PLEKHG4B: variants seen among roughly 807,000 people sequenced by gnomAD.
PLEKHG4B encodes pleckstrin homology and RhoGEF domain containing G4B.
In PLEKHG4B, 111 loss-of-function variants were observed where a neutral mutation model predicts 121.3. The observed-to-expected ratio is 0.92, with a 90% CI of 0.78 to 1.07. The LOEUF (loss-of-function observed/expected upper bound fraction) is 1.07, where lower values mean the gene tolerates loss of function less well. PLEKHG4B is among the 50% of genes least tolerant of loss of function. PLEKHG4B has a pLI of 0.00. For missense variants in PLEKHG4B, 1,831 were observed against 1,757.8 expected (o/e 1.04, Z -0.74); for synonymous variants, 738 against 725.0 (o/e 1.02, Z -0.29).
At chr5:133,913 G>GACACACACACACACAC (rs745898348) in intron 2 of PLEKHG4B, among the ~76,000 whole-genome samples, 11 of 135,630 alleles carry the variant, frequency 8.1e-5, no homozygotes, top group African/African-American at 3.3e-4. Flanking sequence ...AAGAAAATGT[G>GACACACACACACACAC]ACACACACGC....
chr5:145,927 A>C (rs1239009302), intron 6 of PLEKHG4B, among the ~76,000 whole-genome samples: 1 of 152,026 alleles, frequency 6.6e-6, no homozygotes, highest in Non-Finnish European at 1.5e-5. Context: ...CTCACTGAGG[A>C]ATCTCAAGTT....
At chr5:116,139 C>T (rs1200228315) in intron 2 of PLEKHG4B, among the ~76,000 whole-genome samples, 2 of 152,120 alleles carry the variant, frequency 1.3e-5, no homozygotes, top group East Asian at 3.8e-4. Flanking sequence ...GATGCCATTG[C>T]AGGGTTGTTA....
chr5:105,842 T>C (rs1240253686), intron 1 of PLEKHG4B, among the ~76,000 whole-genome samples: 4 of 152,176 alleles, frequency 2.6e-5, no homozygotes, highest in African/African-American at 9.7e-5. Flanking sequence ...ACTGCTCTCC[T>C]GCAGAACTGT....
In PLEKHG4B at chr5:156,345, C is replaced by T. The variant is rs918774571; in HGVS notation, c.2348+135C>T. On this transcript the variant is annotated intron_variant, in intron 10 of 19. Transcript: ENST00000637938. The surrounding 1 kb of genome is among the most constrained non-coding windows in gnomAD (Gnocchi z 4.4). ...TTGGTCCAGACCTCCATTCTGACAG[C>T]CACGCTTTGCCTGGGTCAGAGCTTT... is the stretch of plus-strand genomic sequence containing the variant. 7 of 998,028 alleles carry T rather than the reference C, an allele frequency of 7.0e-6. No individual in the cohort carries two copies. In the African/African-American group the frequency reaches 8.4e-5, roughly 12 times the overall value. The allele number at this position is 998,028 out of a possible 1,614,324, so 61.8% of individuals were successfully genotyped here. A position where few individuals can be genotyped will look rare whatever the true frequency, so the allele number is the denominator to read the frequency against.
At position 154,242 on chromosome 5, in the gene PLEKHG4B, T is replaced by C. The variant is rs188655922; in HGVS notation, c.1993-633T>C. On this transcript the variant is annotated intron_variant, in intron 7 of 19. Coordinates refer to ENST00000637938, the MANE Select transcript of PLEKHG4B (RefSeq NM_052909.5). ...GATATCCTCGATCTCCTGACCTCAT[T>C]ATCCGCCTGCCTCGGCCTCCCAAAG... 2.4e-4 allele frequency among the ~76,000 whole-genome samples: 36 copies of C among 147,888 alleles called. 1 individual carries two copies. In the East Asian group the frequency reaches 6.7e-3, roughly 28 times the overall value.
Position 169,712 on chromosome 5 carries a change from AGCT to A in PLEKHG4B, c.3729+122_3729+124del, listed in dbSNP as rs1271722734. On this transcript the variant is annotated intron_variant, in intron 14 of 19. Coordinates refer to ENST00000637938, the MANE Select transcript of PLEKHG4B (RefSeq NM_052909.5). ...GGAATAGCTTCAGTCCAGGTCTAGG[AGCT>A]GGTCCTGACAGGATGTTAAGACCAG... 3 of 1,441,502 alleles carry A rather than the reference AGCT, an allele frequency of 2.1e-6. No individual in the cohort carries two copies. The African/African-American group carries it at 4.2e-5, about 20-fold the overall frequency. The allele number at this position is 1,441,502 out of a possible 1,614,324, so 89.3% of individuals were successfully genotyped here.
At position 139,211 on chromosome 5, in the gene PLEKHG4B, C is replaced by T. The variant is rs1217941959; in HGVS notation, c.244-272C>T. Among the ~76,000 whole-genome samples, 1 of 152,198 alleles carries T rather than the reference C, an allele frequency of 6.6e-6. No homozygotes were observed. The highest frequency in any genetic ancestry group is 2.4e-5 in the African/African-American group (1 of 41,428). On this transcript the variant is annotated intron_variant, in intron 2 of 19. Transcript: ENST00000637938. This position sits in a 1 kb window ranked among gnomAD's most constrained non-coding sequence, Gnocchi z 5.0. ...TGTGGCTGTGGCCCTCGAGTGGCCT[C>T]CTCTCCCCTGTCCTGCCCACCTACC...
intron 1 of PLEKHG4B, among the ~76,000 whole-genome samples, chr5:104,686 C>T (rs932668301): frequency 4.6e-5 from 7 of 152,194 alleles, no homozygotes; most frequent in African/African-American, 7.2e-5. Context: ...GGCCCCATGG[C>T]GGCCTTGCCT....
chr5:119,080 A>G (rs1301663781), intron 2 of PLEKHG4B, among the ~76,000 whole-genome samples: 2 of 151,790 alleles, frequency 1.3e-5, no homozygotes, highest in African/African-American at 4.8e-5. Flanking sequence ...GGCTGGTCTC[A>G]AACTCCTGGG....
intron 2 of PLEKHG4B, among the ~76,000 whole-genome samples, chr5:115,945 G>A (rs779032199): frequency 1.4e-4 from 22 of 152,194 alleles, no homozygotes; most frequent in Non-Finnish European, 2.6e-4. Flanking sequence ...TCCTTAGAGT[G>A]GACTTTTAAT....
In PLEKHG4B at chr5:156,157, G is replaced by C. The variant is rs771078901; in HGVS notation, c.2295G>C (p.Gly765=). 6 of 1,593,128 alleles carry C rather than the reference G, an allele frequency of 3.8e-6. No homozygotes were observed. The African/African-American group carries it at 6.9e-5, about 18-fold the overall frequency. Residue 765 remains glycine (G), a synonymous_variant, in exon 10 of 20, where the codon GGG becomes GGC. Coordinates refer to ENST00000637938, the MANE Select transcript of PLEKHG4B (RefSeq NM_052909.5). This position sits in a 1 kb window ranked among gnomAD's most constrained non-coding sequence, Gnocchi z 4.4. ...DPLLVSLRLE[G]GTVLARLRRE... ...TGCTTGTGTCTCTCAGGCTGGAGGG[G>C]GGCACCGTCCTGGCGCGGCTGAGGA...
At chr5:130,390 A>G (rs11750152) in intron 2 of PLEKHG4B, among the ~76,000 whole-genome samples, 28,679 of 152,156 alleles carry the variant, frequency 0.19, 3,771 homozygotes, top group African/African-American at 0.37. Flanking sequence ...CTAATATTAA[A>G]CCAAAAAAGG....
At position 172,913 on chromosome 5, in the gene PLEKHG4B, A is replaced by G. The variant is rs1363476458; in HGVS notation, c.4067A>G (p.Gln1356Arg). 1.2e-6 allele frequency: 2 copies of G among 1,614,070 alleles called. No homozygotes were observed. Among genetic ancestry groups the G allele is most frequent in the Admixed American group, 3.3e-5 (2 of 59,988 alleles). Residue 1356 changes from glutamine to arginine, a missense_variant, in exon 17 of 20, where the codon CAG (glutamine) becomes CGG (arginine). Physicochemically the swap from Gln to Arg is conservative, Grantham distance 43. Transcript: ENST00000637938. ...IRGCDVNLKE[Q>R]GQLRCRDEFI... is the part of the protein sequence containing the mutation. ...CCTCTGCAGGTGAATTTGAAGGAAC[A>G]GGGGCAGCTGAGATGCCGGGATGAG...
chr5:150,212 C>A (rs1416054159), intron 6 of PLEKHG4B, among the ~76,000 whole-genome samples: 1 of 152,216 alleles, frequency 6.6e-6, no homozygotes, highest in African/African-American at 2.4e-5. Context: ...ACATATGCCA[C>A]AGCATGTATG....
chr5:170,722 C>T (rs1297415575), intron 14 of PLEKHG4B, among the ~76,000 whole-genome samples: 3 of 152,114 alleles, frequency 2.0e-5, no homozygotes, highest in Non-Finnish European at 4.4e-5. Flanking sequence ...ATTCCAATGC[C>T]CCCCACGCCC....
chr5:177,264 A>G (rs1216047693), intron 18 of PLEKHG4B, among the ~76,000 whole-genome samples: 1 of 152,194 alleles, frequency 6.6e-6, no homozygotes, highest in Non-Finnish European at 1.5e-5. Context: ...TTAGGACTAC[A>G]GGCTTTCCCC....
chr5:148,070 G>A (rs934761559), intron 6 of PLEKHG4B, among the ~76,000 whole-genome samples: 1 of 151,920 alleles, frequency 6.6e-6, no homozygotes, highest in South Asian at 2.1e-4. Context: ...GAAATAGAAG[G>A]AAACTACCTC....
chr5:95,476 CCT>C (rs756784449), intron 1 of PLEKHG4B, among the ~76,000 whole-genome samples: 3 of 152,174 alleles, frequency 2.0e-5, no homozygotes, highest in Non-Finnish European at 4.4e-5. Context: ...TTCGCCATGC[CCT>C]GTCTCTTGCC....
chr5:163,368 GC>G lies in PLEKHG4B; in HGVS notation c.3298del (p.Gln1100SerfsTer14). On this transcript the variant is annotated frameshift_variant, in exon 13 of 20. Transcript: ENST00000637938. LOFTEE classifies it high-confidence loss of function. ...PQPDSGPRDS[C>X]QPDHTSVFSK... The stretch of plus-strand genomic sequence containing the variant: ...CCCGACAGTGGCCCCAGGGACTCCT[GC>G]CAGCCAGACCATACTAGTGTCTTCA... 6.2e-7 allele frequency: 1 copy of G among 1,613,266 alleles called. No individual in the cohort carries two copies. Among genetic ancestry groups the G allele is most frequent in the Non-Finnish European group, 8.5e-7 (1 of 1,180,036 alleles).
Sources: allele counts gnomAD v4.1 joint callset (sites outside exome capture counted in the v4.1 genomes callset), GRCh38; gene constraint gnomAD v4.1.1; non-coding constraint Gnocchi (gnomAD v3.1); transcripts MANE v1.5; gene names NCBI Gene and HGNC (gene_info 2026-07-23, HGNC 2026-07-21).